MDFIC2: variants seen among roughly 807,000 people sequenced by gnomAD.
The protein encoded by MDFIC2 is MyoD family inhibitor domain containing 2, also known as myoD family inhibitor domain-containing protein 2.
chr3:70,257,313 T>C (rs1464647980), intron 2 of MDFIC2, among the ~76,000 whole-genome samples: 2 of 152,202 alleles, frequency 1.3e-5, no homozygotes, highest in Non-Finnish European at 2.9e-5. Context: ...ATGGAGATAT[T>C]GGGGAAGAAT....
chr3:70,228,513 T>C (rs970627911), intron 2 of MDFIC2, among the ~76,000 whole-genome samples: 1 of 152,086 alleles, frequency 6.6e-6, no homozygotes, highest in Non-Finnish European at 1.5e-5. Context: ...ACCCCTGTTA[T>C]AGTTTTTCTA....
intron 2 of MDFIC2, among the ~76,000 whole-genome samples, chr3:70,242,510 C>G (rs1423305937): frequency 6.6e-6 from 1 of 152,098 alleles, no homozygotes; most frequent in Non-Finnish European, 1.5e-5. Flanking sequence ...TAAGTTGTTT[C>G]CTGTTGTTCT....
At chr3:70,286,233 G>A (rs1702161200) in intron 2 of MDFIC2, among the ~76,000 whole-genome samples, 1 of 152,144 alleles carries the variant, frequency 6.6e-6, no homozygotes, top group Admixed American at 6.5e-5. Flanking sequence ...ATTAATTTTT[G>A]TATAAGGTGT....
At chr3:70,251,147 G>T (rs576213780) in intron 2 of MDFIC2, among the ~76,000 whole-genome samples, 2 of 152,116 alleles carry the variant, frequency 1.3e-5, no homozygotes, top group Non-Finnish European at 2.9e-5. Flanking sequence ...TTCCATTAGA[G>T]AAATTGCAAA....
At chr3:70,198,440 G>A (rs953569789) in intron 3 of MDFIC2, among the ~76,000 whole-genome samples, 2 of 152,026 alleles carry the variant, frequency 1.3e-5, no homozygotes, top group African/African-American at 2.4e-5. Context: ...TCATATAATA[G>A]TCTTTAAGTG....
chr3:70,295,754 T>G (rs1702284153), intron 2 of MDFIC2, among the ~76,000 whole-genome samples: 1 of 152,182 alleles, frequency 6.6e-6, no homozygotes, highest in Non-Finnish European at 1.5e-5. Flanking sequence ...GTGCTGTATC[T>G]TTTGATCTGT....
At chr3:70,309,211 A>G (rs1481249049) in intron 2 of MDFIC2, among the ~76,000 whole-genome samples, 1 of 152,150 alleles carries the variant, frequency 6.6e-6, no homozygotes, top group Non-Finnish European at 1.5e-5. Flanking sequence ...TCAATTTGCC[A>G]CTTAAGAGCC....
At chr3:70,306,511 C>T (rs925576531) in intron 2 of MDFIC2, among the ~76,000 whole-genome samples, 1 of 152,108 alleles carries the variant, frequency 6.6e-6, no homozygotes, top group African/African-American at 2.4e-5. Context: ...TCTCATCTTT[C>T]ACACTCTTTC....
At position 70,229,312 on chromosome 3, in the gene MDFIC2, G is replaced by T. The variant is rs529145112; in HGVS notation, c.89-22522C>A. Among the ~76,000 whole-genome samples, 15 of 152,202 alleles carry T rather than the reference G, an allele frequency of 9.9e-5. 1 individual carries two copies. The South Asian group carries it at 3.1e-3, about 32-fold the overall frequency. On this transcript the variant is annotated intron_variant, in intron 2 of 3. Transcript: ENST00000567252. ...GCAACCATGTCAGTGCCTATATTAG[G>T]AATATTCTGTATTCAGAATGATCCT...
intron 2 of MDFIC2, among the ~76,000 whole-genome samples, chr3:70,274,056 CGT>C (rs111792704): frequency 0.011 from 1,535 of 142,932 alleles, 44 homozygotes; most frequent in South Asian, 0.02. Context: ...ATTAAACCTC[CGT>C]GTGTGTGTGT....
chr3:70,234,091 A>G (rs1457679209), intron 2 of MDFIC2, among the ~76,000 whole-genome samples: 1 of 152,198 alleles, frequency 6.6e-6, no homozygotes, highest in Non-Finnish European at 1.5e-5. Context: ...ACACATTAAG[A>G]ATAAAAAGAC....
intron 2 of MDFIC2, among the ~76,000 whole-genome samples, chr3:70,298,421 A>T (rs1340653829): frequency 1.3e-5 from 2 of 152,102 alleles, no homozygotes; most frequent in African/African-American, 4.8e-5. Flanking sequence ...TAATCCTTAT[A>T]ATTTGTTTGT....
intron 2 of MDFIC2, among the ~76,000 whole-genome samples, chr3:70,209,655 C>G (rs947510653): frequency 6.6e-6 from 1 of 152,092 alleles, no homozygotes. Flanking sequence ...ATTCCAAAAG[C>G]TTTGTGCTTG....
At chr3:70,310,376 AT>A (rs908489205) in intron 2 of MDFIC2, among the ~76,000 whole-genome samples, 1 of 151,662 alleles carries the variant, frequency 6.6e-6, no homozygotes, top group Non-Finnish European at 1.5e-5. Flanking sequence ...TATTATTATT[AT>A]TTTTTTGAGA....
At chr3:70,285,091 T>A (rs1268161362) in intron 2 of MDFIC2, among the ~76,000 whole-genome samples, 9 of 151,852 alleles carry the variant, frequency 5.9e-5, no homozygotes, top group Non-Finnish European at 1.3e-4. Context: ...AGTTTTAGGG[T>A]ACATGTGCAC....
chr3:70,281,644 G>A (rs551457537), intron 2 of MDFIC2, among the ~76,000 whole-genome samples: 1 of 151,964 alleles, frequency 6.6e-6, no homozygotes, highest in Admixed American at 6.6e-5. Flanking sequence ...TATGTCTCTC[G>A]GTATTTATGC....
chr3:70,235,401 T>A (rs925595234), intron 2 of MDFIC2, among the ~76,000 whole-genome samples: 2 of 152,232 alleles, frequency 1.3e-5, no homozygotes, highest in Admixed American at 1.3e-4. Context: ...TCCCTCACAA[T>A]TGGCTTCCGT....
intron 2 of MDFIC2, chr3:70,291,100 T>C (rs1019533648): frequency 6.6e-6 from 1 of 152,208 alleles, no homozygotes; most frequent in African/African-American, 2.4e-5. Flanking sequence ...ACTTATTTTT[T>C]TATGAAGGAA....
chr3:70,205,381 A>T (rs943843770), intron 3 of MDFIC2: 15 of 152,208 alleles, frequency 9.9e-5, no homozygotes, highest in Admixed American at 9.8e-4. Context: ...AACTACAGGC[A>T]ATTAAGCCTG....
Sources: gnomAD v4.1 joint callset for allele counts (sites outside exome capture counted in the v4.1 genomes callset) on GRCh38, gnomAD v4.1.1 for gene constraint, MANE v1.5 for transcripts, NCBI Gene and HGNC (gene_info 2026-07-23, HGNC 2026-07-21) for gene names.